PLEKHA7: variants seen among roughly 807,000 people sequenced by gnomAD.
PLEKHA7 encodes the protein pleckstrin homology domain containing A7, also known as pleckstrin homology domain-containing family A member 7.
A neutral mutation model predicts 170.0 loss-of-function variants in PLEKHA7; 104 were observed. That is an observed-to-expected ratio of 0.61 (90% CI 0.52 to 0.72). The LOEUF (loss-of-function observed/expected upper bound fraction) is 0.72, where lower values mean the gene tolerates loss of function less well. PLEKHA7 is among the 30% of genes least tolerant of loss of function. The probability of loss-of-function intolerance (pLI) is 0.00; values close to 1 mark genes in which losing one functional copy is unlikely to be tolerated. For missense variants in PLEKHA7, 1,615 were observed against 1,671.7 expected (o/e 0.97, Z 0.59); for synonymous variants, 648 against 660.8 (o/e 0.98, Z 0.30).
Position 16,816,830 on chromosome 11 carries a change from A to G in PLEKHA7, c.1836T>C (p.Ser612=), listed in dbSNP as rs764686166. The G allele has an allele frequency of 1.5e-5, 24 of 1,613,960 alleles. No individual in the cohort carries two copies. Among genetic ancestry groups the G allele is most frequent in the Non-Finnish European group, 1.9e-5 (23 of 1,180,016 alleles). The stretch of plus-strand genomic sequence containing the variant: ...CAGCGTGGCCCCGTGCCCTCCTTGG[A>G]GAATCCCCCAGCGAGATGTCCACAC... ...RRSVDISLGD[S]PRRARGHAVK... The change falls in exon 11 of 27, where the codon TCT becomes TCC. Residue 612 remains serine, a synonymous_variant. Coordinates refer to ENST00000531066, the MANE Select transcript of PLEKHA7 (RefSeq NM_001329630.2).
In PLEKHA7 at chr11:16,854,804, C is replaced by T; in HGVS notation, c.522+85G>A. 5 of 1,156,264 alleles carry T rather than the reference C, an allele frequency of 4.3e-6. No homozygotes were observed. The South Asian group carries it at 6.4e-5, about 15-fold the overall frequency. 71.6% of individuals were successfully genotyped at this position (1,156,264 alleles called of 1,614,324 possible). On this transcript the variant is annotated intron_variant, in intron 6 of 26. Transcript: ENST00000531066. Reference sequence around the variant, plus strand: ...CTCAGGAACAGAAAGCTTATGTGCCCATCCCTAGCTTCCTGGTGCCTGGGA... The same window carrying T: ...CTCAGGAACAGAAAGCTTATGTGCCTATCCCTAGCTTCCTGGTGCCTGGGA...
chr11:16,944,125 G>T (rs1342925351), intron 3 of PLEKHA7, among the ~76,000 whole-genome samples: 2 of 150,998 alleles, frequency 1.3e-5, no homozygotes, highest in Non-Finnish European at 3.0e-5. Context: ...AGGCCAAGGT[G>T]GGTGGATCAC....
At chr11:16,869,846 G>T in intron 4 of PLEKHA7, among the ~76,000 whole-genome samples, 1 of 152,260 alleles carries the variant, frequency 6.6e-6, no homozygotes, top group South Asian at 2.1e-4. Flanking sequence ...TAAATACTGA[G>T]AGTTTATTTT....
At chr11:16,916,522 G>C (rs1858693539) in intron 3 of PLEKHA7, among the ~76,000 whole-genome samples, 1 of 152,162 alleles carries the variant, frequency 6.6e-6, no homozygotes, top group Non-Finnish European at 1.5e-5. Flanking sequence ...CCCTACCTCA[G>C]GCAATTGTTT....
intron 3 of PLEKHA7, among the ~76,000 whole-genome samples, chr11:16,902,072 T>C (rs1020936352): frequency 3.9e-5 from 6 of 152,210 alleles, no homozygotes; most frequent in African/African-American, 1.4e-4. Flanking sequence ...ACATTCCATA[T>C]AAATAGGCTT....
intron 8 of PLEKHA7, among the ~76,000 whole-genome samples, chr11:16,845,902 C>T (rs1159687676): frequency 6.6e-6 from 1 of 152,022 alleles, no homozygotes; most frequent in Non-Finnish European, 1.5e-5. Flanking sequence ...TGGCAATGGA[C>T]TGGATATGGG....
intron 3 of PLEKHA7, among the ~76,000 whole-genome samples, chr11:16,977,771 G>A (rs1863161767): frequency 6.6e-6 from 1 of 152,114 alleles, no homozygotes; most frequent in Non-Finnish European, 1.5e-5. Flanking sequence ...CTAGATCAAG[G>A]CACACAGTAT....
intron 8 of PLEKHA7, among the ~76,000 whole-genome samples, chr11:16,845,443 T>C (rs398216): frequency 0.1 from 15,949 of 152,248 alleles, 898 homozygotes; most frequent in East Asian, 0.16. Flanking sequence ...CTTCGCTCAC[T>C]GCAACCTTCG....
intron 3 of PLEKHA7, among the ~76,000 whole-genome samples, chr11:16,964,191 T>C (rs1242285088): frequency 6.6e-6 from 1 of 152,218 alleles, no homozygotes; most frequent in African/African-American, 2.4e-5. Context: ...TATGTATATA[T>C]CACATTTTGT....
chr11:16,879,758 C>T (rs1301073369), intron 3 of PLEKHA7, among the ~76,000 whole-genome samples: 2 of 152,194 alleles, frequency 1.3e-5, no homozygotes, highest in African/African-American at 4.8e-5. Flanking sequence ...CCGTCTTTTC[C>T]AAGCTCTAGA....
chr11:16,900,602 C>A (rs762824146), intron 3 of PLEKHA7, among the ~76,000 whole-genome samples: 36 of 152,126 alleles, frequency 2.4e-4, no homozygotes, highest in Non-Finnish European at 4.4e-4. Flanking sequence ...TAAAATTGTA[C>A]ACAAAATTGT....
intron 3 of PLEKHA7, among the ~76,000 whole-genome samples, chr11:17,005,599 C>A (rs773643964): frequency 6.6e-6 from 1 of 152,020 alleles, no homozygotes; most frequent in Non-Finnish European, 1.5e-5. Flanking sequence ...AAACCTACAC[C>A]CACCCTCATC....
At chr11:16,959,618 G>A (rs1446537035) in intron 3 of PLEKHA7, among the ~76,000 whole-genome samples, 25 of 152,126 alleles carry the variant, frequency 1.6e-4, no homozygotes, top group Non-Finnish European at 8.8e-5. Flanking sequence ...TGAACACCCA[G>A]GATAGTAACA....
intron 3 of PLEKHA7, among the ~76,000 whole-genome samples, chr11:16,906,195 C>T (rs964255231): frequency 2.1e-5 from 3 of 141,770 alleles, no homozygotes; most frequent in Non-Finnish European, 4.5e-5. Flanking sequence ...AGATTAGATC[C>T]TTAAAGAGGT....
intron 9 of PLEKHA7, 41 bp downstream of exon 9, chr11:16,841,506 T>C (rs1227884758): frequency 1.3e-6 from 2 of 1,593,356 alleles, no homozygotes; most frequent in South Asian, 1.1e-5. Flanking sequence ...CCAATCCTAG[T>C]GTAGGAGGTG....
intron 4 of PLEKHA7, among the ~76,000 whole-genome samples, chr11:16,869,423 G>T (rs1854652942): frequency 1.3e-5 from 2 of 152,236 alleles, no homozygotes; most frequent in Admixed American, 1.3e-4. Flanking sequence ...GTGTCTCTGG[G>T]CACTTCTTTG....
chr11:16,861,822 C>T (rs16933592), intron 4 of PLEKHA7, among the ~76,000 whole-genome samples: 7,971 of 152,108 alleles, frequency 0.052, 669 homozygotes, highest in African/African-American at 0.18. Flanking sequence ...ACAGAGAGCT[C>T]GGCTAAAACT....
At chr11:16,963,408 A>G (rs1862186875) in intron 3 of PLEKHA7, among the ~76,000 whole-genome samples, 1 of 152,108 alleles carries the variant, frequency 6.6e-6, no homozygotes. Flanking sequence ...TAAGCCCTAA[A>G]TTTAACTCCA....
intron 3 of PLEKHA7, among the ~76,000 whole-genome samples, chr11:17,000,439 C>T (rs1244848197): frequency 2.6e-5 from 4 of 152,160 alleles, no homozygotes; most frequent in East Asian, 1.9e-4. Context: ...CCACACAGGG[C>T]TTCTGAGATG....
Sources: gnomAD v4.1 joint callset for allele counts (sites outside exome capture counted in the v4.1 genomes callset) on GRCh38, gnomAD v4.1.1 for gene constraint, MANE v1.5 for transcripts, NCBI Gene and HGNC (gene_info 2026-07-23, HGNC 2026-07-21) for gene names.